The following SLC2A9 variants were observed in gnomAD, a reference collection of about 807,000 sequenced individuals.
SLC2A9 encodes the protein solute carrier family 2, facilitated glucose transporter member 9.
SLC2A9 carries 39 observed loss-of-function variants against 50.6 expected under a neutral mutation model. That is an observed-to-expected ratio of 0.77 (90% confidence interval 0.60 to 1.01). The LOEUF (loss-of-function observed/expected upper bound fraction) is 1.01, where lower values mean the gene tolerates loss of function less well. SLC2A9 is among the 50% of genes least tolerant of loss of function. SLC2A9 has a pLI of 0.00. For missense variants in SLC2A9, 686 were observed against 677.6 expected, an observed-to-expected ratio of 1.01 and a Z score of -0.14; for synonymous variants, 324 against 276.9, an observed-to-expected ratio of 1.17 and a Z score of -1.69.
intron 6 of SLC2A9, among the ~76,000 whole-genome samples, chr4:9,933,997 C>T (rs1373351735): frequency 2.0e-5 from 3 of 152,216 alleles, no homozygotes; most frequent in African/African-American, 7.2e-5. Context: ...TCCAGGACTA[C>T]TCATTCCAAA....
At chr4:9,876,339 T>C (rs1034631583) in intron 10 of SLC2A9, among the ~76,000 whole-genome samples, 2 of 152,186 alleles carry the variant, frequency 1.3e-5, no homozygotes, top group African/African-American at 2.4e-5. Flanking sequence ...ATGCTTGTAA[T>C]CTCAGCACTT....
At chr4:9,998,723 A>G (rs1202247248) in intron 2 of SLC2A9, among the ~76,000 whole-genome samples, 2 of 152,218 alleles carry the variant, frequency 1.3e-5, no homozygotes, top group South Asian at 2.1e-4. Flanking sequence ...ATTGCACATA[A>G]TAACTCCAGA....
chr4:9,866,070 T>A (rs577271813), intron 10 of SLC2A9, among the ~76,000 whole-genome samples: 1 of 152,136 alleles, frequency 6.6e-6, no homozygotes, highest in Non-Finnish European at 1.5e-5. Flanking sequence ...ACTTGTGGCA[T>A]GGGGGAAAGG....
chr4:9,852,988 C>T (rs1730196700), intron 10 of SLC2A9, among the ~76,000 whole-genome samples: 1 of 152,110 alleles, frequency 6.6e-6, no homozygotes, highest in South Asian at 2.1e-4. Context: ...GTCAGCCTGG[C>T]TAACATGGTG....
intron 2 of SLC2A9, among the ~76,000 whole-genome samples, chr4:9,999,992 G>A (rs1329165958): frequency 6.6e-6 from 1 of 152,182 alleles, no homozygotes; most frequent in African/African-American, 2.4e-5. Context: ...GAAAGTGAAA[G>A]AAGATCACAG....
chr4:9,940,943 G>T (rs187543099), intron 6 of SLC2A9, among the ~76,000 whole-genome samples: 1 of 152,114 alleles, frequency 6.6e-6, no homozygotes, highest in Non-Finnish European at 1.5e-5. Context: ...ATAATACTAC[G>T]AACCTTATAT....
chr4:9,914,623 G>A (rs545374613), intron 7 of SLC2A9, among the ~76,000 whole-genome samples: 4 of 152,134 alleles, frequency 2.6e-5, no homozygotes, highest in East Asian at 1.9e-4. Context: ...ACCATCTAAC[G>A]TCCCCTCTCT....
intron 10 of SLC2A9, chr4:9,879,578 G>A: frequency 3.0e-6 from 3 of 985,364 alleles, no homozygotes; most frequent in Non-Finnish European, 3.6e-6. Flanking sequence ...AGCAAGGTAT[G>A]TGCTGAGGCA....
At chr4:9,775,119 T>A (rs1029520628), downstream of SLC2A9, among the ~76,000 whole-genome samples, 1 of 152,168 alleles carries the variant, frequency 6.6e-6, no homozygotes, top group South Asian at 2.1e-4. Context: ...GACAGACTGG[T>A]CTGGAATGTC....
At chr4:9,931,962 C>CTCTCTCTCTCTCTCTCTCTCTCTATATA (rs1560329576) in intron 6 of SLC2A9, among the ~76,000 whole-genome samples, 1 of 14,578 alleles carries the variant, frequency 6.9e-5, no homozygotes, top group Non-Finnish European at 1.1e-4. Context: ...CTCTCTCTCT[C>CTCTCTCTCTCTCTCTCTCTCTCTATATA]TATATATATA....
At chr4:9,958,389 G>C (rs147608714) in intron 5 of SLC2A9, among the ~76,000 whole-genome samples, 194 of 152,218 alleles carry the variant, frequency 1.3e-3, no homozygotes, top group African/African-American at 4.5e-3. Flanking sequence ...AACTAACAAA[G>C]GAACAGAAAA....
intron 2 of SLC2A9, among the ~76,000 whole-genome samples, chr4:10,013,117 T>C (rs1314601940): frequency 6.6e-6 from 1 of 152,172 alleles, no homozygotes; most frequent in Non-Finnish European, 1.5e-5. Context: ...ATAACCCTGA[T>C]TTTCAACAGC....
At chr4:9,927,451 G>T (rs1745114415) in intron 6 of SLC2A9, among the ~76,000 whole-genome samples, 1 of 152,220 alleles carries the variant, frequency 6.6e-6, no homozygotes, top group South Asian at 2.1e-4. Flanking sequence ...TTGTGATCGG[G>T]GGCCTGGGAT....
upstream of SLC2A9, chr4:10,025,987 A>T: frequency 6.2e-7 from 1 of 1,613,084 alleles, no homozygotes; most frequent in Non-Finnish European, 8.5e-7. Flanking sequence ...TCAGGTTTTG[A>T]ACTTTTGTTG....
intron 8 of SLC2A9, among the ~76,000 whole-genome samples, chr4:9,897,884 G>A: frequency 6.6e-6 from 1 of 152,138 alleles, no homozygotes; most frequent in East Asian, 1.9e-4. Flanking sequence ...GTGACAGAGT[G>A]AGACATTCCA....
At chr4:9,939,841 C>A (rs914559792) in intron 6 of SLC2A9, among the ~76,000 whole-genome samples, 3 of 152,228 alleles carry the variant, frequency 2.0e-5, no homozygotes, top group Middle Eastern at 3.4e-3. Context: ...ACCCAACATG[C>A]TAAATATCCA....
chr4:9,884,425 T>C (rs1033629487), intron 10 of SLC2A9, among the ~76,000 whole-genome samples: 6 of 145,840 alleles, frequency 4.1e-5, no homozygotes, highest in African/African-American at 1.5e-4. Context: ...TACATTCCAC[T>C]ACTACACCTG....
chr4:9,826,456 G>C lies in SLC2A9; in HGVS notation c.1564C>G (p.Pro522Ala). ...GCTGAGTCGATTTTCTCTTCTGGTG[G>C]GTATGCTTTGTTCCTTTTGGAAAAT... ...QAFSKRNKAY[P>A]PEEKIDSAVT... Residue 522 changes from proline to alanine, a missense_variant, in exon 12 of 12, where the codon CCA becomes GCA. Transcript: ENST00000264784. The C allele has an allele frequency of 6.2e-7, 1 of 1,614,028 alleles. No individual in the cohort carries two copies. Among genetic ancestry groups the C allele is most frequent in the Admixed American group, 1.7e-5 (1 of 60,008 alleles).
chr4:9,848,901 T>C (rs1729429771), intron 10 of SLC2A9, among the ~76,000 whole-genome samples: 1 of 152,128 alleles, frequency 6.6e-6, no homozygotes, highest in Non-Finnish European at 1.5e-5. Flanking sequence ...CCGGGGTTTC[T>C]GCATGTTGGT....
Sources: allele counts gnomAD v4.1 joint callset (sites outside exome capture counted in the v4.1 genomes callset), GRCh38; gene constraint gnomAD v4.1.1; transcripts MANE v1.5; gene names NCBI Gene and HGNC (gene_info 2026-07-23, HGNC 2026-07-21).